VPS13A: variants seen among roughly 807,000 people sequenced by gnomAD.
VPS13A encodes intermembrane lipid transfer protein VPS13A.
Under a neutral mutation model 390.9 loss-of-function variants are expected in VPS13A, and 264 were observed. That is an observed-to-expected ratio of 0.68 (90% CI 0.61 to 0.75). The LOEUF (loss-of-function observed/expected upper bound fraction) is 0.75. VPS13A is among the 30% of genes least tolerant of loss of function. VPS13A has a pLI of 0.00. For missense variants in VPS13A, 3,409 were observed against 3,733.9 expected, an observed-to-expected ratio of 0.91 and a Z score of 2.27; for synonymous variants, 1,231 against 1,227.1, an observed-to-expected ratio of 1.00 and a Z score of -0.07.
At chr9:77,379,784 G>T (rs1833328561) in intron 67 of VPS13A, among the ~76,000 whole-genome samples, 2 of 152,192 alleles carry the variant, frequency 1.3e-5, no homozygotes, top group South Asian at 4.1e-4. Flanking sequence ...AGCTAATACT[G>T]AATAATGTTC....
intron 13 of VPS13A, among the ~76,000 whole-genome samples, chr9:77,222,691 C>A (rs1823290555): frequency 6.6e-6 from 1 of 152,062 alleles, no homozygotes; most frequent in Non-Finnish European, 1.5e-5. Context: ...ATTATTATAT[C>A]TGTTATGATG....
chr9:77,224,262 T>C (rs1226422753), intron 13 of VPS13A, among the ~76,000 whole-genome samples: 1 of 152,182 alleles, frequency 6.6e-6, no homozygotes, highest in East Asian at 1.9e-4. Context: ...CACCCATGGA[T>C]TGAAGAGTAA....
chr9:77,208,902 A>G (rs112544227), intron 5 of VPS13A, among the ~76,000 whole-genome samples: 4 of 152,148 alleles, frequency 2.6e-5, no homozygotes, highest in African/African-American at 7.2e-5. Context: ...GAGATAGTTA[A>G]TGCTGTTTTC....
At chr9:77,217,570 T>A (rs1467599309) in intron 10 of VPS13A, among the ~76,000 whole-genome samples, 1 of 152,208 alleles carries the variant, frequency 6.6e-6, no homozygotes, top group East Asian at 1.9e-4. Context: ...GTATTTGTTG[T>A]TCTGTTTCTG....
intron 23 of VPS13A, among the ~76,000 whole-genome samples, chr9:77,261,462 C>A (rs900716471): frequency 7.3e-5 from 11 of 150,488 alleles, no homozygotes; most frequent in Non-Finnish European, 1.5e-4. Flanking sequence ...CATATATATA[C>A]ATATATATGT....
intron 52 of VPS13A, among the ~76,000 whole-genome samples, chr9:77,350,159 C>G (rs947050455): frequency 1.3e-5 from 2 of 152,120 alleles, no homozygotes; most frequent in African/African-American, 4.8e-5. Context: ...TGCTAGCTTA[C>G]CCATAAAAAA....
intron 1 of VPS13A, among the ~76,000 whole-genome samples, chr9:77,182,008 C>T (rs1470838778): frequency 6.6e-6 from 1 of 152,144 alleles, no homozygotes. Context: ...TCTCCCTTCC[C>T]ATATATCATC....
intron 45 of VPS13A, among the ~76,000 whole-genome samples, chr9:77,329,978 G>A (rs865900768): frequency 6.6e-6 from 1 of 152,040 alleles, no homozygotes; most frequent in Non-Finnish European, 1.5e-5. Flanking sequence ...GTTCCAGCAG[G>A]ATAGCTTACC....
At chr9:77,326,731 G>A (rs1830035436) in intron 45 of VPS13A, among the ~76,000 whole-genome samples, 1 of 151,904 alleles carries the variant, frequency 6.6e-6, no homozygotes. Flanking sequence ...TTTCATTATG[G>A]TAATTTTTTC....
chr9:77,214,412 A>T (rs770271695), intron 10 of VPS13A, 26 bp downstream of exon 10: 2 of 1,569,638 alleles, frequency 1.3e-6, no homozygotes, highest in South Asian at 2.2e-5. Flanking sequence ...AAGATAAAAA[A>T]AGTAGTTAAA....
At chr9:77,370,766 G>A in intron 65 of VPS13A, 124 bp from the exon 66 acceptor site, 2 of 1,424,916 alleles carry the variant, frequency 1.4e-6, no homozygotes, top group Non-Finnish European at 1.9e-6. Flanking sequence ...AAAATACTTA[G>A]GAGATCTGTT....
rs187623422 is a variant in VPS13A, at chr9:77,409,316, G to A, written c.9474+1709G>A. Among the ~76,000 whole-genome samples the A allele has an allele frequency of 4.3e-3, 651 of 152,252 alleles. 4 individuals are homozygous for A. The highest frequency in any genetic ancestry group is 0.01 in the South Asian group (50 of 4,822). On this transcript the variant is annotated intron_variant, in intron 71 of 71. Coordinates refer to ENST00000360280, the MANE Select transcript of VPS13A (RefSeq NM_033305.3). ...CCATCTGTACATCACCATCATCAAA[G>A]ACCAAAGGTAGATAAAACCACAAAG...
Position 77,323,200 on chromosome 9 carries a change from G to A in VPS13A, c.5964G>A (p.Lys1988=). The A allele has an allele frequency of 1.9e-6, 3 of 1,613,400 alleles. No individual in the cohort carries two copies. Among genetic ancestry groups the A allele is most frequent in the Non-Finnish European group, 2.5e-6 (3 of 1,179,510 alleles). Reference sequence around the variant, plus strand: ...AAATTGATACAGTAGAAGGAAGTAAGAAGGTCACAATTCGCTCCCCAGTGC... The same window carrying A: ...AAATTGATACAGTAGAAGGAAGTAAAAAGGTCACAATTCGCTCCCCAGTGC... ...VCQIDTVEGS[K]KVTIRSPVQI... Residue 1988 remains lysine (K), a synonymous_variant, in exon 45 of 72, where the codon AAG becomes AAA. Coordinates refer to ENST00000360280, the MANE Select transcript of VPS13A (RefSeq NM_033305.3).
intron 52 of VPS13A, among the ~76,000 whole-genome samples, chr9:77,348,303 C>T (rs1286787229): frequency 6.6e-6 from 1 of 152,070 alleles, no homozygotes; most frequent in Non-Finnish European, 1.5e-5. Context: ...TAAAAAGGAA[C>T]GAGATCATTC....
At chr9:77,369,784 C>G (rs186066724) in intron 63 of VPS13A, among the ~76,000 whole-genome samples, 37 of 152,266 alleles carry the variant, frequency 2.4e-4, no homozygotes, top group African/African-American at 7.0e-4. Context: ...TATGATTGTT[C>G]TATGTCCTTT....
intron 45 of VPS13A, among the ~76,000 whole-genome samples, chr9:77,331,225 T>C (rs987306832): frequency 2.6e-5 from 4 of 152,138 alleles, no homozygotes; most frequent in African/African-American, 7.2e-5. Context: ...AACATTTCTC[T>C]AGGTATGGAA....
At chr9:77,412,758 G>A (rs1300491789) in intron 71 of VPS13A, among the ~76,000 whole-genome samples, 2 of 152,140 alleles carry the variant, frequency 1.3e-5, no homozygotes, top group East Asian at 3.9e-4. Flanking sequence ...GGGCAATCAG[G>A]CAGGAGAAGG....
At chr9:77,264,619 A>C (rs1400442662) in intron 23 of VPS13A, among the ~76,000 whole-genome samples, 1 of 152,110 alleles carries the variant, frequency 6.6e-6, no homozygotes. Context: ...GTGTATAGGA[A>C]TGCTTGTGAT....
intron 35 of VPS13A, among the ~76,000 whole-genome samples, chr9:77,312,510 T>G (rs1238827482): frequency 1.3e-5 from 2 of 151,922 alleles, no homozygotes; most frequent in African/African-American, 4.8e-5. Context: ...CACTGCAAGC[T>G]CCGCCTCCCG....
Sources: allele counts gnomAD v4.1 joint callset (sites outside exome capture counted in the v4.1 genomes callset), GRCh38; gene constraint gnomAD v4.1.1; transcripts MANE v1.5; gene names NCBI Gene and HGNC (gene_info 2026-07-23, HGNC 2026-07-21).